DGKB: variants seen among roughly 807,000 people sequenced by gnomAD.
DGKB encodes diacylglycerol kinase beta, also known as 90 kDa diacylglycerol kinase.
In DGKB, 67 loss-of-function variants were observed where a neutral mutation model predicts 114.3. The observed-to-expected ratio is 0.59, with a 90% CI of 0.48 to 0.72. The LOEUF (loss-of-function observed/expected upper bound fraction) is 0.72, where lower values mean the gene tolerates loss of function less well. DGKB is among the 30% of genes least tolerant of loss of function. The probability of loss-of-function intolerance (pLI) is 0.00; values close to 1 mark genes in which losing one functional copy is unlikely to be tolerated. For synonymous variants in DGKB, 398 were observed against 323.1 expected (o/e 1.23, Z -2.49); for missense variants, 907 against 975.2 (o/e 0.93, Z 0.93).
intron 1 of DGKB, among the ~76,000 whole-genome samples, chr7:14,965,886 A>G (rs1238326887): frequency 6.6e-6 from 1 of 152,000 alleles, no homozygotes; most frequent in African/African-American, 2.4e-5. Context: ...AGCCATTTCC[A>G]TTTTGCTCTT....
At position 14,765,106 on chromosome 7, in the gene DGKB, T is replaced by C. The variant is rs547347477; in HGVS notation, c.71-7375A>G. Reference sequence around the variant, plus strand: ...AGCCATATTGTAGCAGTTTATATGCTATTTGAAATCTATACACTTGGATTT... The same window carrying C: ...AGCCATATTGTAGCAGTTTATATGCCATTTGAAATCTATACACTTGGATTT... On this transcript the variant is annotated intron_variant, in intron 2 of 25. Coordinates refer to ENST00000402815, the MANE Select transcript of DGKB (RefSeq NM_001350709.2). 1.1e-4 allele frequency among the ~76,000 whole-genome samples: 16 copies of C among 152,180 alleles called. 1 individual carries two copies. The East Asian group carries it at 3.1e-3, about 29-fold the overall frequency.
intron 25 of DGKB, among the ~76,000 whole-genome samples, chr7:14,164,798 T>A (rs2128228329): frequency 6.6e-6 from 1 of 152,186 alleles, no homozygotes; most frequent in Admixed American, 6.5e-5. Flanking sequence ...TAGTCTAAAT[T>A]ATGAAAAAGA....
intron 1 of DGKB, among the ~76,000 whole-genome samples, chr7:14,931,389 C>T (rs1051562250): frequency 1.3e-5 from 2 of 152,178 alleles, no homozygotes; most frequent in African/African-American, 2.4e-5. Flanking sequence ...GGATTACAGG[C>T]GTGAGCCACC....
intron 23 of DGKB, among the ~76,000 whole-genome samples, chr7:14,245,848 A>AACCGGG (rs1794396902): frequency 6.6e-6 from 1 of 152,094 alleles, no homozygotes. Flanking sequence ...GAATTGCTTG[A>AACCGGG]ACCCATGAGG....
intron 5 of DGKB, among the ~76,000 whole-genome samples, chr7:14,731,533 A>C (rs1271086802): frequency 6.6e-6 from 1 of 152,208 alleles, no homozygotes; most frequent in Non-Finnish European, 1.5e-5. Context: ...AGAAGTGTTA[A>C]GGTCATATAA....
chr7:14,452,142 G>A (rs531199390), intron 21 of DGKB, among the ~76,000 whole-genome samples: 21 of 152,054 alleles, frequency 1.4e-4, no homozygotes, highest in African/African-American at 5.1e-4. Flanking sequence ...CTGCCCAATA[G>A]AAAAGAACAT....
At chr7:14,450,384 A>G (rs1013887197) in intron 21 of DGKB, among the ~76,000 whole-genome samples, 6 of 152,148 alleles carry the variant, frequency 3.9e-5, no homozygotes, top group African/African-American at 1.4e-4. Context: ...TCAGATCAAC[A>G]GACAAGTCCC....
Position 14,694,192 on chromosome 7 carries a change from G to C in DGKB, c.594C>G (p.Ile198Met). 1 of 1,565,628 alleles carries C rather than the reference G, an allele frequency of 6.4e-7. No homozygotes were observed. The highest frequency in any genetic ancestry group is 8.7e-7 in the Non-Finnish European group (1 of 1,153,874). Reference sequence around the variant, plus strand: ...CAATTTCTTCCATCATTTCATGGAGGATCTGGAGTAGAGGAGATAAGGGAA... The same window carrying C: ...CAATTTCTTCCATCATTTCATGGAGCATCTGGAGTAGAGGAGATAAGGGAA... ...LEWDVTELNP[I>M]LHEMMEEIDY... Residue 198 changes from isoleucine (I) to methionine (M), a missense_variant and splice_region_variant, in exon 9 of 26, where the codon ATC becomes ATG. Around this residue, in one of 3 missense-constraint regions of DGKB, gnomAD observed 814 missense variants for 856.6 expected, o/e 0.95. Transcript: ENST00000402815.
chr7:14,668,337 T>C (rs776417156), intron 13 of DGKB, among the ~76,000 whole-genome samples: 11 of 152,048 alleles, frequency 7.2e-5, no homozygotes, highest in Non-Finnish European at 1.2e-4. Context: ...GGTTTCTAGT[T>C]TGGGAAAGTT....
At chr7:14,861,317 G>T (rs77020848) in intron 1 of DGKB, among the ~76,000 whole-genome samples, 1 of 142,030 alleles carries the variant, frequency 7.0e-6, no homozygotes, top group South Asian at 2.2e-4. Flanking sequence ...GTATAAAAAC[G>T]TATTAAAATA....
At chr7:14,645,860 A>G (rs990783418) in intron 13 of DGKB, among the ~76,000 whole-genome samples, 39 of 152,176 alleles carry the variant, frequency 2.6e-4, no homozygotes, top group African/African-American at 8.0e-4. Context: ...AGGCAAAAGG[A>G]TGATATCTGC....
At chr7:14,192,027 C>T (rs903185609) in intron 23 of DGKB, 2 of 489,102 alleles carry the variant, frequency 4.1e-6, no homozygotes. Context: ...TCCTCTGAGT[C>T]ATTTTGCTAT....
chr7:14,167,752 C>A, intron 25 of DGKB, among the ~76,000 whole-genome samples: 1 of 152,146 alleles, frequency 6.6e-6, no homozygotes, highest in Non-Finnish European at 1.5e-5. Context: ...CATACTGGAA[C>A]CACAACTCAC....
At chr7:14,554,014 A>G (rs1177607781) in intron 20 of DGKB, among the ~76,000 whole-genome samples, 1 of 151,742 alleles carries the variant, frequency 6.6e-6, no homozygotes, top group Non-Finnish European at 1.5e-5. Context: ...CTGGGACTAC[A>G]GGCAACCGTC....
intron 5 of DGKB, among the ~76,000 whole-genome samples, chr7:14,724,824 T>G (rs10950535): frequency 0.14 from 21,675 of 152,200 alleles, 2,305 homozygotes; most frequent in East Asian, 0.56. Context: ...AACTTTGGAC[T>G]CTTTTTAAAA....
chr7:14,875,302 G>A (rs945038835), intron 1 of DGKB, among the ~76,000 whole-genome samples: 2 of 151,990 alleles, frequency 1.3e-5, no homozygotes, highest in African/African-American at 4.8e-5. Context: ...GTTGACTGCC[G>A]AATGCTATTT....
At chr7:14,458,636 G>C (rs1043273405) in intron 21 of DGKB, among the ~76,000 whole-genome samples, 1 of 152,158 alleles carries the variant, frequency 6.6e-6, no homozygotes, top group Non-Finnish European at 1.5e-5. Flanking sequence ...AGCCCTGAGG[G>C]ACTGTGCCAT....
intron 21 of DGKB, among the ~76,000 whole-genome samples, chr7:14,462,484 G>T (rs570053938): frequency 6.6e-6 from 1 of 152,270 alleles, no homozygotes; most frequent in African/African-American, 2.4e-5. Context: ...CAAGTCATGA[G>T]TGAACTCCCA....
intron 1 of DGKB, among the ~76,000 whole-genome samples, chr7:14,925,536 A>C (rs80066110): frequency 3.3e-5 from 5 of 152,132 alleles, no homozygotes; most frequent in African/African-American, 1.2e-4. Flanking sequence ...ATTCATGAAT[A>C]TGGTATGTCT....
Sources: allele counts gnomAD v4.1 joint callset (sites outside exome capture counted in the v4.1 genomes callset), GRCh38; gene constraint gnomAD v4.1.1; regional missense constraint gnomAD v4.1.1; transcripts MANE v1.5; gene names NCBI Gene and HGNC (gene_info 2026-07-23, HGNC 2026-07-21).